The following PIK3CA variants were observed in gnomAD, a reference collection of about 807,000 sequenced individuals.
PIK3CA encodes the protein phosphatidylinositol-4,5-bisphosphate 3-kinase catalytic subunit alpha.
Under a neutral mutation model 138.2 loss-of-function variants are expected in PIK3CA, and 27 were observed. The observed-to-expected ratio is 0.20, with a 90% confidence interval of 0.14 to 0.27. PIK3CA has a LOEUF of 0.27. Ranked by LOEUF, PIK3CA falls within the 10% of genes least tolerant of loss-of-function variation. The pLI is 1.00. For missense variants in PIK3CA, 544 were observed against 1,277.4 expected (o/e 0.43, Z 8.75); for synonymous variants, 358 against 413.2 (o/e 0.87, Z 1.62).
intron 9 of PIK3CA, among the ~76,000 whole-genome samples, chr3:179,214,668 A>G (rs753097555): frequency 2.0e-5 from 3 of 152,174 alleles, no homozygotes; most frequent in Admixed American, 1.3e-4. Flanking sequence ...GACTTCCTTT[A>G]CATAGGGATA....
chr3:179,165,941 ATC>A (rs1403453387), intron 1 of PIK3CA, among the ~76,000 whole-genome samples: 1 of 152,198 alleles, frequency 6.6e-6, no homozygotes, highest in Non-Finnish European at 1.5e-5. Flanking sequence ...GACAAAGTCT[ATC>A]TCTCCCTCTT....
chr3:179,169,479 A>T (rs770010899), intron 1 of PIK3CA, among the ~76,000 whole-genome samples: 1 of 152,114 alleles, frequency 6.6e-6, no homozygotes, highest in African/African-American at 2.4e-5. Flanking sequence ...GGAGCATTTT[A>T]AAGTTTTCTT....
At chr3:179,148,989 C>A (rs1221856840) in intron 1 of PIK3CA, among the ~76,000 whole-genome samples, 2 of 152,094 alleles carry the variant, frequency 1.3e-5, no homozygotes, top group Admixed American at 6.5e-5. Context: ...GAGGGGCTGC[C>A]GCGAGGACTG....
rs771003409 is a variant in PIK3CA at position 179,236,327 on chromosome 3, C to G, written c.*1963C>G. ...TTGCGATAGTTAAGCAGAATTTAAA[C>G]TCTGTTTTAAGCAGGAAACCAGAAA... On this transcript the variant is annotated 3_prime_UTR_variant, in exon 21 of 21. Transcript: ENST00000263967. 14 of 209,702 alleles carry G rather than the reference C, an allele frequency of 6.7e-5. No individual in the cohort carries two copies. Among genetic ancestry groups the G allele is most frequent in the Non-Finnish European group, 1.2e-4 (12 of 103,344 alleles). 13.0% of individuals were successfully genotyped at this position (209,702 alleles called of 1,614,324 possible).
At chr3:179,155,744 G>A (rs909288786) in intron 1 of PIK3CA, among the ~76,000 whole-genome samples, 28 of 152,134 alleles carry the variant, frequency 1.8e-4, no homozygotes, top group African/African-American at 6.3e-4. Flanking sequence ...ATTTTCCATA[G>A]ATACCAAGGG....
At chr3:179,152,827 A>G (rs533072611) in intron 1 of PIK3CA, among the ~76,000 whole-genome samples, 17 of 152,286 alleles carry the variant, frequency 1.1e-4, no homozygotes, top group African/African-American at 3.8e-4. Context: ...TCCACTGTCA[A>G]ACACCCAGGT....
At chr3:179,225,260 T>G (rs1375670993) in intron 16 of PIK3CA, among the ~76,000 whole-genome samples, 1 of 152,050 alleles carries the variant, frequency 6.6e-6, no homozygotes, top group African/African-American at 2.4e-5. Flanking sequence ...TCTTGGAGCT[T>G]ACAGCCTAAC....
intron 14 of PIK3CA, among the ~76,000 whole-genome samples, chr3:179,221,857 G>C (rs1475902467): frequency 2.0e-5 from 3 of 151,656 alleles, no homozygotes; most frequent in Non-Finnish European, 4.4e-5. Context: ...ATAGGAGCAT[G>C]CCACCACTTC....
intron 3 of PIK3CA, 99 bp downstream of exon 3, chr3:179,199,998 A>G: frequency 1.4e-6 from 1 of 694,598 alleles, no homozygotes; most frequent in South Asian, 2.1e-5. Context: ...CCAGCTAGAT[A>G]GTAAGCTTCT....
At chr3:179,166,366 T>C in intron 1 of PIK3CA, among the ~76,000 whole-genome samples, 2 of 152,242 alleles carry the variant, frequency 1.3e-5, no homozygotes, top group East Asian at 3.8e-4. Context: ...TCATTTAAAT[T>C]ACCCCCTCCA....
intron 18 of PIK3CA, among the ~76,000 whole-genome samples, chr3:179,229,649 TTATG>T (rs1256681522): frequency 3.3e-5 from 5 of 152,312 alleles, no homozygotes; most frequent in African/African-American, 1.2e-4. Flanking sequence ...AACATTCATC[TTATG>T]TATTATCTAA....
At position 179,201,292 on chromosome 3, in the gene PIK3CA, C is replaced by A. The variant is rs1375011981; in HGVS notation, c.565C>A (p.Gln189Lys). ...KHIYNKLDKG[Q>K]IIVVIWVIVS... is the part of the protein sequence containing the mutation. ...CATCTAATGTTTTCCTGTTATAGGG[C>A]AAATAATAGTGGTGATCTGGGTAAT... Residue 189 changes from glutamine (Q) to lysine (K), a missense_variant and splice_region_variant, in exon 4 of 21, where the codon CAA becomes AAA. Transcript: ENST00000263967. 6.2e-7 allele frequency: 1 copy of A among 1,610,202 alleles called. No individual in the cohort carries two copies. Among genetic ancestry groups the A allele is most frequent in the Admixed American group, 1.7e-5 (1 of 59,716 alleles).
rs1725301580 is a variant in PIK3CA, at chr3:179,234,958, TCTTTTTAATAAATCAAACCTTTTGA to T, written c.*595_*619del. ...TCTTGAGATTTCACCAGAGACTTTT[TCTTTTTAATAAATCAAACCTTTTGA>T]TGATTTGAGGTTTTATCTGCAGTTT... On this transcript the variant is annotated 3_prime_UTR_variant, in exon 21 of 21. Coordinates refer to ENST00000263967, the MANE Select transcript of PIK3CA (RefSeq NM_006218.4). This position sits in a 1 kb window ranked among gnomAD's most constrained non-coding sequence, Gnocchi z 5.1. The T allele has an allele frequency of 4.5e-6, 1 of 222,898 alleles. No individual in the cohort carries two copies. Among genetic ancestry groups the T allele is most frequent in the Non-Finnish European group, 9.0e-6 (1 of 111,648 alleles). The allele number at this position is 222,898 out of a possible 1,614,324, so 13.8% of individuals were successfully genotyped here.
chr3:179,172,434 G>A (rs1420629244), intron 1 of PIK3CA, among the ~76,000 whole-genome samples: 2 of 148,208 alleles, frequency 1.3e-5, no homozygotes, highest in Admixed American at 6.7e-5. Flanking sequence ...TGGAAAGGAA[G>A]AAGTAAAACC....
chr3:179,182,080 G>A (rs915567640), intron 1 of PIK3CA, among the ~76,000 whole-genome samples: 19 of 152,162 alleles, frequency 1.2e-4, no homozygotes, highest in East Asian at 3.9e-4. Context: ...CCCTAGTGAC[G>A]GCTTAAAGTT....
chr3:179,237,748 G>A lies in PIK3CA; in HGVS notation c.*3384G>A, dbSNP rs1234538194. On this transcript the variant is annotated 3_prime_UTR_variant, in exon 21 of 21. Transcript: ENST00000263967. ...TGTTTTTTCTTAATGATGTAAATCC[G>A]TTTAATTCATACTTTGATCAATAGC... 8 of 210,870 alleles carry A rather than the reference G, an allele frequency of 3.8e-5. No homozygotes were observed. The highest frequency in any genetic ancestry group is 3.1e-3 in the Middle Eastern group (2 of 652). 13.1% of individuals were successfully genotyped at this position (210,870 alleles called of 1,614,324 possible).
intron 1 of PIK3CA, among the ~76,000 whole-genome samples, chr3:179,174,069 A>T (rs1723634111): frequency 6.6e-6 from 1 of 152,162 alleles, no homozygotes; most frequent in Admixed American, 6.5e-5. Context: ...GGTTTTTACA[A>T]CTATACATTC....
rs1474118962 is a variant in PIK3CA, at chr3:179,234,075, C to T, written c.2937-19C>T. ...CATCATTTGCTCCAAACTGACCAAA[C>T]TGTTCTTATTACTTATAGGTTTCAG... On this transcript the variant is annotated intron_variant, in intron 20 of 20. Coordinates refer to ENST00000263967, the MANE Select transcript of PIK3CA (RefSeq NM_006218.4). This position sits in a 1 kb window ranked among gnomAD's most constrained non-coding sequence, Gnocchi z 5.1. 6.3e-7 allele frequency: 1 copy of T among 1,577,486 alleles called. No homozygotes were observed. Among genetic ancestry groups the T allele is most frequent in the Non-Finnish European group, 8.7e-7 (1 of 1,155,018 alleles).
chr3:179,199,003 C>A lies in PIK3CA; in HGVS notation c.178C>A (p.Gln60Lys), dbSNP rs71310379. 111 of 1,613,232 alleles carry A rather than the reference C, an allele frequency of 6.9e-5. No homozygotes were observed. The highest frequency in any genetic ancestry group is 8.8e-5 in the Non-Finnish European group (104 of 1,179,714). ...AGAAGCAAGAAAATACCCCCTCCAT[C>A]AACTTCTTCAAGATGAATCTTCTTA... ...FKEARKYPLH[Q>K]LLQDESSYIF... Residue 60 changes from glutamine (Q) to lysine (K), a missense_variant, in exon 2 of 21, where the codon CAA becomes AAA. By Grantham distance (53) the Gln-to-Lys change is moderately conservative (BLOSUM62 1). This residue lies in a region of PIK3CA where 47 missense variants were observed against 84.0 expected (regional missense o/e 0.56). Coordinates refer to ENST00000263967, the MANE Select transcript of PIK3CA (RefSeq NM_006218.4).
Sources: gnomAD v4.1 joint callset for allele counts (sites outside exome capture counted in the v4.1 genomes callset) on GRCh38, gnomAD v4.1.1 for gene constraint, gnomAD v4.1.1 regional missense constraint, Gnocchi (gnomAD v3.1) non-coding constraint, MANE v1.5 for transcripts, NCBI Gene and HGNC (gene_info 2026-07-23, HGNC 2026-07-21) for gene names.